HPS3: variants seen among roughly 807,000 people sequenced by gnomAD.
HPS3 encodes the protein HPS3 biogenesis of lysosomal organelles complex 2 subunit 1, also known as BLOC-2 complex member HPS3.
In HPS3, 79 loss-of-function variants were observed where a neutral mutation model predicts 110.9. The ratio of observed to expected loss-of-function variants is 0.71; its 90% confidence interval spans 0.59 to 0.86. The LOEUF (loss-of-function observed/expected upper bound fraction) is 0.86, where lower values mean the gene tolerates loss of function less well. Ranked by LOEUF, HPS3 falls within the 40% of genes least tolerant of loss-of-function variation. HPS3 has a pLI of 0.00. For synonymous variants in HPS3, 428 were observed against 451.0 expected (o/e 0.95, Z 0.65); for missense variants, 1,197 against 1,206.2 (o/e 0.99, Z 0.11).
Position 149,129,669 on chromosome 3 carries a change from G to A in HPS3, c.-55G>A. On this transcript the variant is annotated 5_prime_UTR_variant, in exon 1 of 17. Coordinates refer to ENST00000296051, the MANE Select transcript of HPS3 (RefSeq NM_032383.5). ...AGTCCTACATTCGCGGTCAGCGCGGGGTCTCCGGGCGCCCTGCAGGGCGGG... is the reference window on the plus strand; with the variant it reads ...AGTCCTACATTCGCGGTCAGCGCGGAGTCTCCGGGCGCCCTGCAGGGCGGG... 7.4e-7 allele frequency: 1 copy of A among 1,356,090 alleles called. No individual in the cohort carries two copies. Among genetic ancestry groups the A allele is most frequent in the African/African-American group, 1.5e-5 (1 of 66,576 alleles). The allele number at this position is 1,356,090 out of a possible 1,614,324, so 84.0% of individuals were successfully genotyped here.
rs1723940953 is a variant in HPS3, at chr3:149,162,299, AAATTGG to A, written c.2264_2269del (p.Gly755_Ile756del). The stretch of plus-strand genomic sequence containing the variant: ...GTTCTGGGCTTGCAGAAGAACAACA[AAATTGG>A]AATTGAAGAAGCAGATTCCTTTTTT... On this transcript the variant is annotated inframe_deletion, in exon 12 of 17. Coordinates refer to ENST00000296051, the MANE Select transcript of HPS3 (RefSeq NM_032383.5). 6.2e-7 allele frequency: 1 copy of A among 1,614,048 alleles called. No individual in the cohort carries two copies. Among genetic ancestry groups the A allele is most frequent in the Non-Finnish European group, 8.5e-7 (1 of 1,179,928 alleles).
Position 149,153,577 on chromosome 3 carries a change from C to T in HPS3, c.1329C>T (p.Asn443=). The T allele has an allele frequency of 1.2e-6, 2 of 1,614,072 alleles. No homozygotes were observed. The highest frequency in any genetic ancestry group is 2.2e-5 in the South Asian group (2 of 91,086). ...IGLKAICHFK[N]HIILLTKAEP... ...TGAAAGCCATCTGTCACTTTAAAAA[C>T]CACATCATACTTTTGACTAAAGCAG... The change falls in exon 7 of 17, where the codon AAC becomes AAT. Residue 443 remains asparagine, a synonymous_variant. Transcript: ENST00000296051.
chr3:149,158,588 A>G, intron 9 of HPS3, 78 bp from the exon 10 acceptor site: 1 of 1,339,032 alleles, frequency 7.5e-7, no homozygotes, highest in Non-Finnish European at 1.1e-6. Context: ...AGGAGTTTGA[A>G]ATCAGTCTGG....
chr3:149,141,518 A>AG, intron 4 of HPS3, 138 bp downstream of exon 4: 1 of 560,822 alleles, frequency 1.8e-6, no homozygotes, highest in Non-Finnish European at 3.1e-6. Flanking sequence ...CCTTTAACAA[A>AG]GTTTTTTTTT....
chr3:149,133,037 CAAAG>C (rs1266191660), intron 1 of HPS3, among the ~76,000 whole-genome samples: 1 of 152,172 alleles, frequency 6.6e-6, no homozygotes, highest in African/African-American at 2.4e-5. Context: ...CATGGATGAA[CAAAG>C]AAAGTGGTTT....
At chr3:149,151,047 AC>A (rs576596795) in intron 6 of HPS3, among the ~76,000 whole-genome samples, 109 of 152,018 alleles carry the variant, frequency 7.2e-4, no homozygotes, top group African/African-American at 2.5e-3. Context: ...TTGCTCTGTC[AC>A]CCAGGCTGGA....
Position 149,172,308 on chromosome 3 carries a change from A to G in HPS3, c.*86A>G. On this transcript the variant is annotated 3_prime_UTR_variant, in exon 17 of 17. Coordinates refer to ENST00000296051, the MANE Select transcript of HPS3 (RefSeq NM_032383.5). ...CAAAGTACAAGTAGAGGAGTTTTTT[A>G]TTTTATATATCACACACACACACAC... is the stretch of plus-strand genomic sequence containing the variant. 1.3e-6 allele frequency: 1 copy of G among 760,788 alleles called. No homozygotes were observed. The allele number at this position is 760,788 out of a possible 1,614,324, so 47.1% of individuals were successfully genotyped here. A position where few individuals can be genotyped will look rare whatever the true frequency, so the allele number is the denominator to read the frequency against.
chr3:149,167,475 G>A (rs1243610681), intron 15 of HPS3, among the ~76,000 whole-genome samples: 3 of 152,208 alleles, frequency 2.0e-5, no homozygotes, highest in Non-Finnish European at 4.4e-5. Context: ...TGGAGATGAA[G>A]TAGTTGATTA....
At chr3:149,163,747 T>C (rs1724121817) in intron 13 of HPS3, 95 bp from the exon 14 acceptor site, 1 of 730,524 alleles carries the variant, frequency 1.4e-6, no homozygotes, top group African/African-American at 1.8e-5. Context: ...TTCTATGACA[T>C]GGCAGAGAAT....
rs1467800489 is a variant in HPS3, at chr3:149,172,411, C to CAAT, written c.*190_*191insATA. On this transcript the variant is annotated 3_prime_UTR_variant, in exon 17 of 17. Coordinates refer to ENST00000296051, the MANE Select transcript of HPS3 (RefSeq NM_032383.5). ...ACCTTACCGTGTAGTGGTAACTATT[C>CAAT]ACTTCTTAATTTATGACCTCAATCA... The CAAT allele has an allele frequency of 3.8e-6, 2 of 526,950 alleles. No homozygotes were observed. The highest frequency in any genetic ancestry group is 3.4e-6 in the Non-Finnish European group (1 of 292,206). The allele number at this position is 526,950 out of a possible 1,614,324, so 32.6% of individuals were successfully genotyped here.
intron 1 of HPS3, among the ~76,000 whole-genome samples, chr3:149,133,040 A>C (rs1429820285): frequency 6.6e-6 from 1 of 152,250 alleles, no homozygotes; most frequent in Non-Finnish European, 1.5e-5. Flanking sequence ...GGATGAACAA[A>C]GAAAGTGGTT....
At chr3:149,148,908 G>A (rs1722939524) in intron 5 of HPS3, among the ~76,000 whole-genome samples, 1 of 149,984 alleles carries the variant, frequency 6.7e-6, no homozygotes, top group South Asian at 2.1e-4. Context: ...GTAGCCAATA[G>A]ACTGGATTCC....
intron 11 of HPS3, among the ~76,000 whole-genome samples, 186 bp from the exon 12 acceptor site, chr3:149,161,954 GTTAGTAAC>G (rs1723905092): frequency 1.3e-5 from 2 of 152,294 alleles, no homozygotes; most frequent in South Asian, 4.1e-4. Flanking sequence ...TTAGTTAAAT[GTTAGTAAC>G]TTCTGTAAGA....
At chr3:149,148,563 C>G (rs894579840) in intron 5 of HPS3, among the ~76,000 whole-genome samples, 5 of 151,786 alleles carry the variant, frequency 3.3e-5, no homozygotes, top group Non-Finnish European at 7.4e-5. Context: ...TCACCATGCC[C>G]GGCTAATTTT....
chr3:149,132,268 AGAG>A (rs1721826971), intron 1 of HPS3, among the ~76,000 whole-genome samples: 1 of 152,222 alleles, frequency 6.6e-6, no homozygotes, highest in Non-Finnish European at 1.5e-5. Context: ...TCTTGGCTAG[AGAG>A]GAGAAGATAA....
chr3:149,138,935 C>T (rs1048783619), intron 1 of HPS3, among the ~76,000 whole-genome samples: 2 of 152,182 alleles, frequency 1.3e-5, no homozygotes, highest in African/African-American at 4.8e-5. Flanking sequence ...ACATGAATTT[C>T]TATTATCTAA....
intron 1 of HPS3, chr3:149,130,281 A>G: frequency 2.6e-6 from 1 of 382,550 alleles, no homozygotes; most frequent in Admixed American, 4.2e-5. Flanking sequence ...GATTTCAAAG[A>G]CTTACCAAAA....
intron 14 of HPS3, 61 bp from the exon 15 acceptor site, chr3:149,166,973 C>A: frequency 7.9e-7 from 1 of 1,258,494 alleles, no homozygotes; most frequent in Non-Finnish European, 1.2e-6. Flanking sequence ...TTGAATTCTG[C>A]ATGTTGTGTT....
chr3:149,138,662 G>A (rs1008562046), intron 1 of HPS3, among the ~76,000 whole-genome samples: 4 of 152,186 alleles, frequency 2.6e-5, no homozygotes, highest in East Asian at 1.9e-4. Context: ...ATTTATAGAC[G>A]ACAAAAGGTT....
Sources: allele counts gnomAD v4.1 joint callset (sites outside exome capture counted in the v4.1 genomes callset), GRCh38; gene constraint gnomAD v4.1.1; transcripts MANE v1.5; gene names NCBI Gene and HGNC (gene_info 2026-07-23, HGNC 2026-07-21).